The following IPO11 variants were observed in gnomAD, a reference collection of about 807,000 sequenced individuals.
IPO11 encodes the protein importin 11.
In IPO11, 66 loss-of-function variants were observed where a neutral mutation model predicts 143.2. That is an observed-to-expected ratio of 0.46 (90% CI 0.38 to 0.57). The LOEUF is 0.57. Ranked by LOEUF, IPO11 falls within the 20% of genes least tolerant of loss-of-function variation. The pLI, the probability that IPO11 is intolerant of heterozygous loss-of-function variation, is 0.00. For missense variants in IPO11, 1,026 were observed against 1,141.0 expected (o/e 0.90, Z 1.45); for synonymous variants, 385 against 377.8 (o/e 1.02, Z -0.22).
At chr5:62,626,591 G>T (rs1746588975) in intron 29 of IPO11, among the ~76,000 whole-genome samples, 1 of 151,486 alleles carries the variant, frequency 6.6e-6, no homozygotes, top group African/African-American at 2.4e-5. Context: ...TTAAGGAGTG[G>T]ACTTCTGGGT....
At chr5:62,527,461 C>A (rs1472095577) in intron 21 of IPO11, among the ~76,000 whole-genome samples, 1 of 152,154 alleles carries the variant, frequency 6.6e-6, no homozygotes, top group African/African-American at 2.4e-5. Flanking sequence ...AGCCCATGAG[C>A]TGTAGTTTGC....
At chr5:62,419,848 G>A (rs531470984) in intron 1 of IPO11, among the ~76,000 whole-genome samples, 2 of 152,096 alleles carry the variant, frequency 1.3e-5, no homozygotes, top group Non-Finnish European at 1.5e-5. Flanking sequence ...AAAAAAATTA[G>A]CATGGCATGA....
intron 1 of IPO11, among the ~76,000 whole-genome samples, chr5:62,423,988 C>G (rs973055904): frequency 2.0e-5 from 3 of 152,082 alleles, no homozygotes; most frequent in Admixed American, 1.3e-4. Flanking sequence ...TTTTCTGCCT[C>G]TTGTTCTTCT....
chr5:62,570,441 A>C (rs2112383337), intron 27 of IPO11, among the ~76,000 whole-genome samples: 1 of 152,312 alleles, frequency 6.6e-6, no homozygotes, highest in South Asian at 2.1e-4. Context: ...TGAAACATAC[A>C]TTAGAACTAA....
intron 26 of IPO11, among the ~76,000 whole-genome samples, chr5:62,556,693 T>C (rs1389383508): frequency 6.6e-6 from 1 of 152,168 alleles, no homozygotes; most frequent in African/African-American, 2.4e-5. Context: ...AAATTTTTTT[T>C]AAACCAAAAA....
At chr5:62,612,624 A>G (rs544816934) in intron 29 of IPO11, among the ~76,000 whole-genome samples, 36 of 152,338 alleles carry the variant, frequency 2.4e-4, no homozygotes, top group Middle Eastern at 3.4e-3. Context: ...ATTTATAAAA[A>G]TTATATTAAC....
intron 8 of IPO11, among the ~76,000 whole-genome samples, 166 bp downstream of exon 8, chr5:62,474,630 C>G (rs988081754): frequency 6.6e-6 from 1 of 152,162 alleles, no homozygotes; most frequent in African/African-American, 2.4e-5. Context: ...CAATTGCTCC[C>G]TGAGTGAGCA....
rs751044619 is a variant in IPO11 at position 62,437,429 on chromosome 5, T to C, written c.138+12T>C. The C allele has an allele frequency of 3.1e-6, 5 of 1,589,550 alleles. No homozygotes were observed. The South Asian group carries it at 4.6e-5, about 15-fold the overall frequency. ...ATTCAGTGTTGCTGGTAAGTTGTTC[T>C]AAAATTGTTTGCTTTTCTTTTTAAT... On this transcript the variant is annotated intron_variant, in intron 2 of 29. Transcript: ENST00000325324.
chr5:62,508,052 A>G (rs1481732245), intron 19 of IPO11, among the ~76,000 whole-genome samples: 1 of 152,098 alleles, frequency 6.6e-6, no homozygotes, highest in Non-Finnish European at 1.5e-5. Context: ...TCATTGTTGC[A>G]TATATCCCTT....
intron 26 of IPO11, among the ~76,000 whole-genome samples, chr5:62,553,510 G>C (rs1312747815): frequency 6.6e-6 from 1 of 152,110 alleles, no homozygotes; most frequent in Non-Finnish European, 1.5e-5. Flanking sequence ...TATATATCCA[G>C]TAGTGAGATT....
At chr5:62,439,318 G>A (rs1384988002) in intron 2 of IPO11, among the ~76,000 whole-genome samples, 3 of 112,744 alleles carry the variant, frequency 2.7e-5, no homozygotes, top group South Asian at 2.9e-4. Flanking sequence ...GAGACGTCTC[G>A]CTCTGTCGCA....
intron 29 of IPO11, among the ~76,000 whole-genome samples, chr5:62,615,735 A>G (rs904351389): frequency 6.6e-6 from 1 of 152,270 alleles, no homozygotes; most frequent in Admixed American, 6.5e-5. Flanking sequence ...GAACAGGAAC[A>G]AGGAAACAGC....
intron 26 of IPO11, among the ~76,000 whole-genome samples, chr5:62,558,189 T>A (rs902194583): frequency 3.3e-5 from 5 of 152,234 alleles, no homozygotes; most frequent in African/African-American, 1.2e-4. Context: ...ATAAGTGTTA[T>A]AATGAATAGT....
At chr5:62,483,072 T>C (rs1746267352) in intron 9 of IPO11, 29 bp from the exon 10 acceptor site, 3 of 1,367,024 alleles carry the variant, frequency 2.2e-6, no homozygotes, top group African/African-American at 3.0e-5. Context: ...AAAATACATT[T>C]TAATTTTTAT....
chr5:62,482,774 C>T (rs1746258813), intron 9 of IPO11, among the ~76,000 whole-genome samples: 1 of 152,114 alleles, frequency 6.6e-6, no homozygotes, highest in Non-Finnish European at 1.5e-5. Flanking sequence ...TTACCTTAGT[C>T]TATTACTTTT....
intron 5 of IPO11, among the ~76,000 whole-genome samples, chr5:62,463,706 A>G (rs1029817969): frequency 2.6e-5 from 4 of 151,874 alleles, no homozygotes; most frequent in African/African-American, 9.7e-5. Flanking sequence ...GAACTTAGTT[A>G]TACCAAAAAT....
In IPO11 at chr5:62,442,863, A is replaced by AAAAACAAAACAAAACAAAACAAAAC. The variant is rs70981008; in HGVS notation, c.139-111_139-87dup. The AAAAACAAAACAAAACAAAACAAAAC allele has an allele frequency of 1.1e-4, 50 of 468,130 alleles. No homozygotes were observed. The South Asian group carries it at 1.1e-3, about 10-fold the overall frequency. 29.0% of individuals were successfully genotyped at this position (468,130 alleles called of 1,614,324 possible). On this transcript the variant is annotated intron_variant, in intron 2 of 29. Coordinates refer to ENST00000325324, the MANE Select transcript of IPO11 (RefSeq NM_016338.5). The stretch of plus-strand genomic sequence containing the variant: ...TGGGCGACGAGAGTGAAACTGTCTC[A>AAAAACAAAACAAAACAAAACAAAAC]AAAACAAAACAAAACAAAACAAAAC...
intron 9 of IPO11, among the ~76,000 whole-genome samples, chr5:62,478,538 A>G (rs1156524297): frequency 6.6e-6 from 1 of 152,190 alleles, no homozygotes; most frequent in Non-Finnish European, 1.5e-5. Context: ...TCTTAATATC[A>G]TTTAAATATC....
intron 27 of IPO11, among the ~76,000 whole-genome samples, chr5:62,570,173 AGCAATTTCATTGAAAAAGAAGGT>A (rs1744089227): frequency 2.0e-5 from 3 of 152,216 alleles, no homozygotes; most frequent in Non-Finnish European, 2.9e-5. Context: ...CTGTATACAA[AGCAATTTCATTGAAAAAGAAGGT>A]AAATGATTAA....
Sources: allele counts gnomAD v4.1 joint callset (sites outside exome capture counted in the v4.1 genomes callset), GRCh38; gene constraint gnomAD v4.1.1; transcripts MANE v1.5; gene names NCBI Gene and HGNC (gene_info 2026-07-23, HGNC 2026-07-21).